Variants in TP53BP1 observed in about 807,000 individuals in gnomAD.
TP53BP1 encodes TP53-binding protein 1.
Under a neutral mutation model 200.8 loss-of-function variants are expected in TP53BP1, and 61 were observed. The observed-to-expected ratio is 0.30, with a 90% CI of 0.25 to 0.38. TP53BP1 has a LOEUF of 0.38. Among genes scored for constraint, TP53BP1 ranks in the 10% least tolerant of loss-of-function variants. The pLI, the probability that TP53BP1 is intolerant of heterozygous loss-of-function variation, is 1.00. For missense variants in TP53BP1, 2,144 were observed against 2,371.9 expected, an observed-to-expected ratio of 0.90 and a Z score of 2.00; for synonymous variants, 822 against 844.3, an observed-to-expected ratio of 0.97 and a Z score of 0.46.
intron 23 of TP53BP1, among the ~76,000 whole-genome samples, chr15:43,414,712 C>CTTTT (rs199952419): frequency 6.9e-6 from 1 of 145,242 alleles, no homozygotes. Flanking sequence ...TGAAATATGA[C>CTTTT]TTTTTTTTTT....
intron 18 of TP53BP1, 128 bp from the exon 19 acceptor site, chr15:43,422,254 G>T: frequency 1.9e-6 from 2 of 1,078,532 alleles, no homozygotes; most frequent in Non-Finnish European, 2.6e-6. Flanking sequence ...GAGACTTTCT[G>T]GAATAATGGG....
At chr15:43,495,526 CACACACAA>C (rs1208181277), upstream of TP53BP1, among the ~76,000 whole-genome samples, 2 of 147,634 alleles carry the variant, frequency 1.4e-5, no homozygotes, top group East Asian at 2.0e-4. Context: ...CACACACACA[CACACACAA>C]AAGCCAGGTG....
chr15:43,479,815 G>C, intron 6 of TP53BP1, 44 bp downstream of exon 6: 1 of 1,606,228 alleles, frequency 6.2e-7, no homozygotes, highest in Non-Finnish European at 8.5e-7. Flanking sequence ...TCTAATATGG[G>C]AGAAAACACA....
At chr15:43,490,815 A>C (rs930353923) in intron 4 of TP53BP1, among the ~76,000 whole-genome samples, 13 of 152,228 alleles carry the variant, frequency 8.5e-5, no homozygotes, top group Non-Finnish European at 1.2e-4. Context: ...CCGTCTATAC[A>C]ATGGAAGTAA....
upstream of TP53BP1, chr15:43,493,288 G>C (rs143169986): frequency 8.3e-3 from 11,065 of 1,333,568 alleles, 59 homozygotes; most frequent in Non-Finnish European, 0.01. Context: ...GAACACGGCG[G>C]CGCGTTTCCA....
At chr15:43,478,405 G>A (rs947686497) in intron 7 of TP53BP1, among the ~76,000 whole-genome samples, 2 of 152,152 alleles carry the variant, frequency 1.3e-5, no homozygotes, top group African/African-American at 4.8e-5. Context: ...TATGCTGAGT[G>A]TTTTACATTA....
chr15:43,427,369 G>A (rs12900259), intron 18 of TP53BP1, among the ~76,000 whole-genome samples: 26,605 of 152,148 alleles, frequency 0.17, 2,518 homozygotes, highest in Middle Eastern at 0.28. Flanking sequence ...AGTTTGAAAC[G>A]GAGTGTTCTA....
At chr15:43,428,259 G>T in intron 17 of TP53BP1, 91 bp from the exon 18 acceptor site, 1 of 1,145,610 alleles carries the variant, frequency 8.7e-7, no homozygotes. Context: ...ACTGTTTAGA[G>T]GCTCCATGAA....
intron 23 of TP53BP1, 30 bp from the exon 24 acceptor site, chr15:43,413,364 G>A (rs1265667392): frequency 1.5e-5 from 24 of 1,590,002 alleles, no homozygotes; most frequent in Admixed American, 6.8e-5. Flanking sequence ...AGTTACTAGA[G>A]GGATACACAC....
At chr15:43,502,863 C>G (rs1378245446) in intron 1 of TP53BP1, among the ~76,000 whole-genome samples, 1 of 152,048 alleles carries the variant, frequency 6.6e-6, no homozygotes, top group Non-Finnish European at 1.5e-5. Flanking sequence ...TCAAGCGATT[C>G]TTGTACAACC....
chr15:43,490,856 G>A (rs553914325), intron 4 of TP53BP1, among the ~76,000 whole-genome samples: 1 of 152,264 alleles, frequency 6.6e-6, no homozygotes, highest in African/African-American at 2.4e-5. Flanking sequence ...GCTGCTTTAA[G>A]AATAGGATTA....
chr15:43,437,762 A>G (rs1203747590), intron 16 of TP53BP1, among the ~76,000 whole-genome samples: 2 of 152,218 alleles, frequency 1.3e-5, no homozygotes, highest in Non-Finnish European at 2.9e-5. Context: ...ATAGTCCCTC[A>G]AGGTATAAAA....
At chr15:43,420,137 A>G (rs2045360724) in intron 21 of TP53BP1, among the ~76,000 whole-genome samples, 168 bp downstream of exon 21, 1 of 152,216 alleles carries the variant, frequency 6.6e-6, no homozygotes, top group South Asian at 2.1e-4. Flanking sequence ...AAACAAATGA[A>G]CAAACAGAAA....
chr15:43,452,276 T>C (rs1331607524), intron 12 of TP53BP1, among the ~76,000 whole-genome samples: 1 of 152,192 alleles, frequency 6.6e-6, no homozygotes, highest in Admixed American at 6.5e-5. Context: ...TTAAAAACTA[T>C]TGTTCTCGGC....
intron 15 of TP53BP1, among the ~76,000 whole-genome samples, chr15:43,439,577 C>T (rs2045879911): frequency 6.6e-6 from 1 of 152,140 alleles, no homozygotes. Flanking sequence ...GCAGATGAAC[C>T]AAGGACCACT....
chr15:43,474,770 T>A lies in TP53BP1; in HGVS notation c.1086-3A>T. On this transcript the variant is annotated splice_region_variant and splice_polypyrimidine_tract_variant and intron_variant, in intron 9 of 27. Transcript: ENST00000382044. ...GAGCAACAAGATCTGAAGAATTCCT[T>A]TATATAAAGAGAGAATCACAGGTTA... The A allele has an allele frequency of 1.3e-6, 2 of 1,593,562 alleles. No individual in the cohort carries two copies. Among genetic ancestry groups the A allele is most frequent in the Non-Finnish European group, 1.7e-6 (2 of 1,161,906 alleles).
At chr15:43,446,978 T>C (rs1431535790) in intron 13 of TP53BP1, 1 of 527,268 alleles carries the variant, frequency 1.9e-6, no homozygotes, top group Non-Finnish European at 3.7e-6. Flanking sequence ...AGGATCTAAG[T>C]TTTCTTGCCC....
rs1475429463 is a variant in TP53BP1, at chr15:43,413,232, T to G, written c.5192A>C (p.Lys1731Thr). The G allele has an allele frequency of 1.2e-6, 2 of 1,614,174 alleles. No homozygotes were observed. The highest frequency in any genetic ancestry group is 1.7e-6 in the Non-Finnish European group (2 of 1,180,026). ...AAATGCGTAGCCCAGAAACAAGGTC[T>G]TGTTGAGAGGCAAAGGCCCTCTCTG... ...EEQRGPLPLN[K>T]TLFLGYAFLL... The change falls in exon 24 of 28, where the codon AAG (lysine) becomes ACG (threonine). Residue 1731 changes from lysine to threonine, a missense_variant. Coordinates refer to ENST00000382044, the MANE Select transcript of TP53BP1 (RefSeq NM_001141980.3).
At chr15:43,436,083 C>T (rs1164433387) in intron 16 of TP53BP1, among the ~76,000 whole-genome samples, 1 of 152,024 alleles carries the variant, frequency 6.6e-6, no homozygotes, top group Non-Finnish European at 1.5e-5. Flanking sequence ...CCTCCACCTC[C>T]TGGGCTCGAG....
Sources: allele counts gnomAD v4.1 joint callset (sites outside exome capture counted in the v4.1 genomes callset), GRCh38; gene constraint gnomAD v4.1.1; transcripts MANE v1.5; gene names NCBI Gene and HGNC (gene_info 2026-07-23, HGNC 2026-07-21).